IWS1: variants seen among roughly 807,000 people sequenced by gnomAD.
The protein encoded by IWS1 is interacts with SUPT6H, CTD assembly factor 1.
A neutral mutation model predicts 86.7 loss-of-function variants in IWS1; 27 were observed. The ratio of observed to expected loss-of-function variants is 0.31; its 90% CI spans 0.23 to 0.43. IWS1 has a LOEUF of 0.43. Ranked by LOEUF, IWS1 falls within the 20% of genes least tolerant of loss-of-function variation. The pLI is 1.00. For synonymous variants in IWS1, 313 were observed against 335.1 expected, an observed-to-expected ratio of 0.93 and a Z score of 0.72; for missense variants, 827 against 1,000.8, an observed-to-expected ratio of 0.83 and a Z score of 2.34.
At chr2:127,502,044 T>C (rs1690850898) in intron 5 of IWS1, among the ~76,000 whole-genome samples, 1 of 152,216 alleles carries the variant, frequency 6.6e-6, no homozygotes, top group South Asian at 2.1e-4. Flanking sequence ...ATTGTCATCA[T>C]TACTGTTACC....
intron 2 of IWS1, chr2:127,515,033 T>A (rs530497144): frequency 6.6e-6 from 1 of 152,374 alleles, no homozygotes; most frequent in South Asian, 2.1e-4. Context: ...TCACTAAATA[T>A]TCTTTGAAAG....
chr2:127,489,908 T>C lies in IWS1; in HGVS notation c.2083A>G (p.Asn695Asp). The C allele has an allele frequency of 2.5e-6, 4 of 1,611,564 alleles. No homozygotes were observed. The highest frequency in any genetic ancestry group is 3.4e-6 in the Non-Finnish European group (4 of 1,177,654). ...TCTTCTCTTGTCATTCCTTTGTAGTTTGAGGTAAGACCAAATATAGGCCTA... is the reference window on the plus strand; with the variant it reads ...TCTTCTCTTGTCATTCCTTTGTAGTCTGAGGTAAGACCAAATATAGGCCTA... ...WSRPIFGLTSNYKGMTREERE... is the reference protein window; with the variant it reads ...WSRPIFGLTSDYKGMTREERE... The change falls in exon 11 of 14, where the codon AAC becomes GAC. Residue 695 changes from asparagine (N) to aspartate (D), a missense_variant. This residue lies in a region of IWS1 where 279 missense variants were observed against 440.6 expected (regional missense o/e 0.63). Coordinates refer to ENST00000295321, the MANE Select transcript of IWS1 (RefSeq NM_017969.3). This position sits in a 1 kb window ranked among gnomAD's most constrained non-coding sequence, Gnocchi z 4.8.
At chr2:127,498,913 G>T (rs1030991301) in intron 5 of IWS1, 1 of 152,094 alleles carries the variant, frequency 6.6e-6, no homozygotes, top group African/African-American at 2.4e-5. Flanking sequence ...TTCTTTCTCT[G>T]TGAACTCTGA....
chr2:127,482,543 A>ACTTG (rs1464934653), intron 13 of IWS1: 2 of 152,206 alleles, frequency 1.3e-5, no homozygotes, highest in African/African-American at 4.8e-5. Flanking sequence ...TAGTACTTGT[A>ACTTG]CTTGGTCCAC....
chr2:127,481,228 TTA>T (rs1689605964), intron 13 of IWS1, 53 bp from the exon 14 acceptor site: 1 of 1,526,214 alleles, frequency 6.6e-7, no homozygotes, highest in Non-Finnish European at 8.8e-7. Flanking sequence ...GTAAGTCTAG[TTA>T]TGTCTTTCAT....
chr2:127,487,308 C>T (rs1052387756), intron 12 of IWS1, among the ~76,000 whole-genome samples: 2 of 152,228 alleles, frequency 1.3e-5, no homozygotes, highest in African/African-American at 2.4e-5. Context: ...CTTATTTACA[C>T]TTCCCCAGTT....
Position 127,505,581 on chromosome 2 carries a change from A to T in IWS1, c.322T>A (p.Ser108Thr). ...TGCTGATTGACATCCTCATTTTCAG[A>T]ATCGCTTGCAGGAGGCTCTGCACGT... is the stretch of plus-strand genomic sequence containing the variant. Reference protein sequence around the residue: ...EERAEPPASDSENEDVNQHGS... With the variant: ...EERAEPPASDTENEDVNQHGS... Residue 108 changes from serine (S) to threonine (T), a missense_variant, in exon 3 of 14, where the codon TCT becomes ACT. This residue lies in a region of IWS1 where 548 missense variants were observed against 560.2 expected (regional missense o/e 0.98). Transcript: ENST00000295321. This position sits in a 1 kb window ranked among gnomAD's most constrained non-coding sequence, Gnocchi z 5.0. 6.2e-7 allele frequency: 1 copy of T among 1,613,950 alleles called. No homozygotes were observed. The highest frequency in any genetic ancestry group is 8.5e-7 in the Non-Finnish European group (1 of 1,180,002).
At chr2:127,511,627 T>C (rs1196638978) in intron 2 of IWS1, among the ~76,000 whole-genome samples, 1 of 152,182 alleles carries the variant, frequency 6.6e-6, no homozygotes, top group East Asian at 1.9e-4. Context: ...TACACTGACC[T>C]TAAGATCAGA....
chr2:127,524,746 T>G (rs1692299273), intron 1 of IWS1, among the ~76,000 whole-genome samples: 1 of 151,944 alleles, frequency 6.6e-6, no homozygotes, highest in Non-Finnish European at 1.5e-5. Flanking sequence ...CTTCACCACG[T>G]TGGCCAGGCT....
chr2:127,508,348 G>T (rs1691256584), intron 2 of IWS1, among the ~76,000 whole-genome samples: 1 of 108,296 alleles, frequency 9.2e-6, no homozygotes, highest in Admixed American at 1.2e-4. Context: ...ATGAAACTGA[G>T]CTGCAAAAAA....
chr2:127,483,820 G>A (rs937502144), intron 13 of IWS1, among the ~76,000 whole-genome samples: 1 of 151,876 alleles, frequency 6.6e-6, no homozygotes, highest in Non-Finnish European at 1.5e-5. Context: ...TGGTAGAGAT[G>A]GAGTCTTGCT....
At chr2:127,497,159 C>T (rs1573523868) in intron 6 of IWS1, among the ~76,000 whole-genome samples, 1 of 152,164 alleles carries the variant, frequency 6.6e-6, no homozygotes, top group Non-Finnish European at 1.5e-5. Flanking sequence ...ATTAAAAGAA[C>T]GGTTGATCCT....
At chr2:127,513,334 C>T (rs941704507) in intron 2 of IWS1, among the ~76,000 whole-genome samples, 4 of 152,126 alleles carry the variant, frequency 2.6e-5, no homozygotes, top group African/African-American at 9.7e-5. Flanking sequence ...TGTCAACTAT[C>T]CAGGCTGCAC....
intron 6 of IWS1, among the ~76,000 whole-genome samples, chr2:127,496,438 G>C (rs1339984643): frequency 6.6e-6 from 1 of 151,982 alleles, no homozygotes; most frequent in African/African-American, 2.4e-5. Context: ...GCCTATGGTA[G>C]TGTACAGTAA....
At position 127,505,689 on chromosome 2, in the gene IWS1, C is replaced by T. The variant is rs750135426; in HGVS notation, c.214G>A (p.Asp72Asn). 3.2e-5 allele frequency: 51 copies of T among 1,612,738 alleles called. No homozygotes were observed. Among genetic ancestry groups the T allele is most frequent in the Non-Finnish European group, 3.9e-5 (46 of 1,179,668 alleles). The change falls in exon 3 of 14, where the codon GAT becomes AAT. Residue 72 changes from aspartate to asparagine, a missense_variant. By Grantham distance (23) the Asp-to-Asn change is conservative. Around this residue, in one of 2 missense-constraint regions of IWS1, gnomAD observed 548 missense variants for 560.2 expected, o/e 0.98. Transcript: ENST00000295321. This position sits in a 1 kb window ranked among gnomAD's most constrained non-coding sequence, Gnocchi z 5.0. Reference protein sequence around the residue: ...KGHHVTDSENDEPLNLNASDS... With the variant: ...KGHHVTDSENNEPLNLNASDS... ...CTAGCATTAAGATTTAAGGGCTCAT[C>T]GTTCTCAGAGTCTGTCACATGATGT...
chr2:127,497,764 A>G (rs890241758), intron 6 of IWS1, among the ~76,000 whole-genome samples: 2 of 152,244 alleles, frequency 1.3e-5, no homozygotes, highest in Non-Finnish European at 2.9e-5. Context: ...CAACTAAAGT[A>G]AGTGAAATAT....
In IWS1 at chr2:127,502,107, G is replaced by A. The variant is rs368305700; in HGVS notation, c.1467+708C>T. Among the ~76,000 whole-genome samples the A allele has an allele frequency of 6.6e-5, 10 of 152,250 alleles. No homozygotes were observed. In the South Asian group the frequency reaches 2.1e-3, roughly 32 times the overall value. On this transcript the variant is annotated intron_variant, in intron 5 of 13. Coordinates refer to ENST00000295321, the MANE Select transcript of IWS1 (RefSeq NM_017969.3). ...GTACATATGAAAAACTTAAACCACT[G>A]TAATCTTATTTCTGAGACTGAGATT...
In IWS1 at chr2:127,499,961, C is replaced by T. The variant is rs1311241027; in HGVS notation, c.1468-1724G>A. ...TCTTACCTCATACCACATACGAAACCAATTCTAGGTGAATTATACAATTAA... is the reference window on the plus strand; with the variant it reads ...TCTTACCTCATACCACATACGAAACTAATTCTAGGTGAATTATACAATTAA... On this transcript the variant is annotated intron_variant, in intron 5 of 13. Coordinates refer to ENST00000295321, the MANE Select transcript of IWS1 (RefSeq NM_017969.3). This position sits in a 1 kb window ranked among gnomAD's most constrained non-coding sequence, Gnocchi z 4.0. 1.3e-5 allele frequency among the ~76,000 whole-genome samples: 2 copies of T among 152,058 alleles called. No homozygotes were observed. The highest frequency in any genetic ancestry group is 4.8e-5 in the African/African-American group (2 of 41,392).
chr2:127,526,802 T>G, upstream of IWS1: 1 of 803,698 alleles, frequency 1.2e-6, no homozygotes. Flanking sequence ...GCCAAACCAC[T>G]GTCTTTCCCG....
Sources: gnomAD v4.1 joint callset for allele counts (sites outside exome capture counted in the v4.1 genomes callset) on GRCh38, gnomAD v4.1.1 for gene constraint, gnomAD v4.1.1 regional missense constraint, Gnocchi (gnomAD v3.1) non-coding constraint, MANE v1.5 for transcripts, NCBI Gene and HGNC (gene_info 2026-07-23, HGNC 2026-07-21) for gene names.